Variants in ZNF614 observed in about 807,000 individuals in gnomAD.
ZNF614 encodes the protein zinc finger protein 614.
A neutral mutation model predicts 12.8 loss-of-function variants in ZNF614; 11 were observed. The observed-to-expected ratio is 0.86, with a 90% confidence interval of 0.54 to 1.43. The LOEUF (loss-of-function observed/expected upper bound fraction) is 1.43. Among genes scored for constraint, ZNF614 ranks in the 40% most tolerant of loss-of-function variants. The probability of loss-of-function intolerance (pLI) is 0.00; values close to 1 mark genes in which losing one functional copy is unlikely to be tolerated. For synonymous variants in ZNF614, 237 were observed against 237.5 expected (o/e 1.00, Z 0.02); for missense variants, 664 against 708.8 (o/e 0.94, Z 0.72).
chr19:52,026,138 G>C (rs1206873642), intron 1 of ZNF614, among the ~76,000 whole-genome samples, 177 bp from the exon 2 acceptor site: 1 of 152,214 alleles, frequency 6.6e-6, no homozygotes, highest in African/African-American at 2.4e-5. Flanking sequence ...TTGTGAAGTA[G>C]AAGTGGCATG....
intron 2 of ZNF614, among the ~76,000 whole-genome samples, chr19:52,023,740 AAAAT>A (rs2086950436): frequency 6.6e-6 from 1 of 152,202 alleles, no homozygotes; most frequent in African/African-American, 2.4e-5. Flanking sequence ...CAGACTGTGA[AAAAT>A]AAATATACAT....
At chr19:52,017,492 A>G in intron 4 of ZNF614, 133 bp from the exon 5 acceptor site, 1 of 780,714 alleles carries the variant, frequency 1.3e-6, no homozygotes, top group Non-Finnish European at 2.0e-6. Context: ...TCACGAGGTC[A>G]GGAGTTCAAG....
chr19:52,025,694 C>T lies in ZNF614; in HGVS notation c.15+37G>A. 4 of 1,612,690 alleles carry T rather than the reference C, an allele frequency of 2.5e-6. No individual in the cohort carries two copies. In the South Asian group the frequency reaches 3.3e-5, roughly 13 times the overall value. ...AAGTTCAACTGACTTCTTCAGGCCA[C>T]CATAAATCTATCAAAAAATCAAAGG... On this transcript the variant is annotated intron_variant, in intron 2 of 4. Transcript: ENST00000270649.
chr19:52,015,868 C>T lies in ZNF614; in HGVS notation c.1730G>A (p.Gly577Glu), dbSNP rs749711962. 4.3e-6 allele frequency: 7 copies of T among 1,613,150 alleles called. No individual in the cohort carries two copies. In the East Asian group the frequency reaches 1.6e-4, roughly 36 times the overall value. ...RISQVENSCN[G>E]ESQLLPYK ...CTTATAAGGAAGGAGCTGTGACTCT[C>T]CATTACAGGAGTTTTCAACTTGACT... The change falls in exon 5 of 5, where the codon GGA (glycine) becomes GAA (glutamate). Residue 577 changes from glycine (G) to glutamate (E), a missense_variant. By Grantham distance (98) the Gly-to-Glu change is moderately conservative (BLOSUM62 -2). Transcript: ENST00000270649.
intron 4 of ZNF614, 74 bp downstream of exon 4, chr19:52,017,934 C>T: frequency 8.7e-7 from 1 of 1,154,486 alleles, no homozygotes. Flanking sequence ...TCAGATACTT[C>T]ATATATGTGA....
Position 52,016,627 on chromosome 19 carries a change from A to C in ZNF614, c.971T>G (p.Phe324Cys). 2 of 1,614,214 alleles carry C rather than the reference A, an allele frequency of 1.2e-6. No individual in the cohort carries two copies. Residue 324 changes from phenylalanine to cysteine, a missense_variant, in exon 5 of 5, where the codon TTC becomes TGC. Physicochemically the swap from Phe to Cys is radical, Grantham distance 205 (BLOSUM62 -2). Transcript: ENST00000270649. Reference sequence around the variant, plus strand: ...TACAATGAGATTGCTCTTCACAGTGAAACCTTTTCCACATTCTTTGCACAC... The same window carrying C: ...TACAATGAGATTGCTCTTCACAGTGCAACCTTTTCCACATTCTTTGCACAC... The part of the protein sequence containing the change: ...PYVCKECGKG[F>C]TVKSNLIVHQ...
intron 4 of ZNF614, 33 bp from the exon 5 acceptor site, chr19:52,017,392 G>A: frequency 6.5e-7 from 1 of 1,547,360 alleles, no homozygotes; most frequent in Non-Finnish European, 8.7e-7. Flanking sequence ...ATTCTTCCAT[G>A]AGAATTGTAT....
chr19:52,022,114 A>C (rs1484174559), intron 2 of ZNF614, among the ~76,000 whole-genome samples: 1 of 152,252 alleles, frequency 6.6e-6, no homozygotes, highest in Non-Finnish European at 1.5e-5. Context: ...AGTGTTGGCA[A>C]GATTTGCAGC....
At chr19:52,020,579 G>A (rs1233364687) in intron 2 of ZNF614, among the ~76,000 whole-genome samples, 1 of 152,214 alleles carries the variant, frequency 6.6e-6, no homozygotes, top group Admixed American at 6.5e-5. Flanking sequence ...ACTTCATGAT[G>A]TAGGCACAGT....
chr19:52,017,776 C>T, intron 4 of ZNF614: 1 of 433,390 alleles, frequency 2.3e-6, no homozygotes, highest in South Asian at 5.1e-5. Flanking sequence ...TCTACGATCC[C>T]AGTATAAAAG....
At chr19:52,023,425 C>T (rs1217882492) in intron 2 of ZNF614, among the ~76,000 whole-genome samples, 11 of 152,070 alleles carry the variant, frequency 7.2e-5, no homozygotes, top group African/African-American at 2.2e-4. Flanking sequence ...GGATTACAGG[C>T]GCGAGCCCCC....
In ZNF614 at chr19:52,015,527, A is replaced by G. The variant is rs45571638; in HGVS notation, c.*313T>C. Reference sequence around the variant, plus strand: ...GTATTCACAGAATTTATCTCTGTATACTTTTCAGACATATGAGCAGAAATT... The same window carrying G: ...GTATTCACAGAATTTATCTCTGTATGCTTTTCAGACATATGAGCAGAAATT... On this transcript the variant is annotated 3_prime_UTR_variant, in exon 5 of 5. Coordinates refer to ENST00000270649, the MANE Select transcript of ZNF614 (RefSeq NM_025040.4). 285 of 211,202 alleles carry G rather than the reference A, an allele frequency of 1.3e-3. No homozygotes were observed. Among genetic ancestry groups the G allele is most frequent in the Non-Finnish European group, 2.4e-3 (254 of 105,488 alleles). The allele number at this position is 211,202 out of a possible 1,614,324, so 13.1% of individuals were successfully genotyped here. A position where few individuals can be genotyped will look rare whatever the true frequency, so the allele number is the denominator to read the frequency against.
At position 52,020,292 on chromosome 19, in the gene ZNF614, T is replaced by C. The variant is rs142496786; in HGVS notation, c.16-1798A>G. ...GGAGCTACCATGACTCCCTCAGGTT[T>C]AATAACTTGATAGAACAACTCAGAG... On this transcript the variant is annotated intron_variant, in intron 2 of 4. Transcript: ENST00000270649. Among the ~76,000 whole-genome samples the C allele has an allele frequency of 2.8e-3, 431 of 152,344 alleles. 2 individuals are homozygous for C. Among genetic ancestry groups the C allele is most frequent in the Middle Eastern group, 0.014 (4 of 294 alleles).
chr19:52,015,841 C>T lies in ZNF614; in HGVS notation c.1757G>A (p.Ter586=), dbSNP rs1411993972. The T allele has an allele frequency of 6.2e-7, 1 of 1,600,930 alleles. No individual in the cohort carries two copies. The highest frequency in any genetic ancestry group is 8.5e-7 in the Non-Finnish European group (1 of 1,173,734). The change falls in exon 5 of 5, where the codon TGA becomes TAA. Residue 586 remains the stop codon, a stop_retained_variant. Transcript: ENST00000270649. ...NGESQLLPYK[*] Reference sequence around the variant, plus strand: ...AGTAGGGTTTTCTTCTGCATGAGTTCACTTATAAGGAAGGAGCTGTGACTC... The same window carrying T: ...AGTAGGGTTTTCTTCTGCATGAGTTTACTTATAAGGAAGGAGCTGTGACTC...
At chr19:52,023,710 C>G (rs1412056919) in intron 2 of ZNF614, among the ~76,000 whole-genome samples, 1 of 152,196 alleles carries the variant, frequency 6.6e-6, no homozygotes, top group Non-Finnish European at 1.5e-5. Context: ...ATATACTTAT[C>G]CGTGTCACTT....
intron 2 of ZNF614, among the ~76,000 whole-genome samples, chr19:52,023,558 T>C (rs1600038980): frequency 6.6e-6 from 1 of 152,194 alleles, no homozygotes; most frequent in East Asian, 1.9e-4. Flanking sequence ...TATCTAGAGG[T>C]CTCATGAGTA....
At position 52,025,788 on chromosome 19, in the gene ZNF614, G is replaced by A. The variant is rs781569843; in HGVS notation, c.-43C>T. On this transcript the variant is annotated 5_prime_UTR_variant, in exon 2 of 5. The change creates a new upstream start codon in the 5' untranslated region. Transcript: ENST00000270649. ...AAATAGTGGATAACATGGACTATAC[G>A]TCTTTGTCTCTTCTGCATTTGCCAT... 14 of 1,604,050 alleles carry A rather than the reference G, an allele frequency of 8.7e-6. No individual in the cohort carries two copies. The highest frequency in any genetic ancestry group is 2.7e-5 in the African/African-American group (2 of 74,438).
intron 2 of ZNF614, among the ~76,000 whole-genome samples, chr19:52,020,104 TTC>T (rs1209413416): frequency 1.3e-5 from 2 of 152,182 alleles, no homozygotes; most frequent in Admixed American, 1.3e-4. Context: ...GATAATCTCA[TTC>T]TCTAGCTGCA....
Position 52,015,824 on chromosome 19 carries a change from T to A in ZNF614, c.*16A>T. 6.3e-7 allele frequency: 1 copy of A among 1,586,848 alleles called. No individual in the cohort carries two copies. The highest frequency in any genetic ancestry group is 8.6e-7 in the Non-Finnish European group (1 of 1,167,228). ...TCCATAGTCACGGCACTAGTAGGGT[T>A]TTCTTCTGCATGAGTTCACTTATAA... is the stretch of plus-strand genomic sequence containing the variant. On this transcript the variant is annotated 3_prime_UTR_variant, in exon 5 of 5. Coordinates refer to ENST00000270649, the MANE Select transcript of ZNF614 (RefSeq NM_025040.4).
Sources: allele counts gnomAD v4.1 joint callset (sites outside exome capture counted in the v4.1 genomes callset), GRCh38; gene constraint gnomAD v4.1.1; transcripts MANE v1.5; gene names NCBI Gene and HGNC (gene_info 2026-07-23, HGNC 2026-07-21).